PRLR: variants seen among roughly 807,000 people sequenced by gnomAD.
PRLR encodes the protein hPRL receptor.
Under a neutral mutation model 40.2 loss-of-function variants are expected in PRLR, and 13 were observed. The ratio of observed to expected loss-of-function variants is 0.32; its 90% CI spans 0.21 to 0.51. The LOEUF (loss-of-function observed/expected upper bound fraction) is 0.51. Ranked by LOEUF, PRLR falls within the 20% of genes least tolerant of loss-of-function variation. The pLI, the probability that PRLR is intolerant of heterozygous loss-of-function variation, is 0.97. For missense variants in PRLR, 656 were observed against 747.3 expected, an observed-to-expected ratio of 0.88 and a Z score of 1.42; for synonymous variants, 269 against 278.7, an observed-to-expected ratio of 0.97 and a Z score of 0.35.
chr5:35,107,610 A>C (rs1006600096), intron 2 of PRLR, among the ~76,000 whole-genome samples: 3 of 152,244 alleles, frequency 2.0e-5, no homozygotes, highest in Admixed American at 6.5e-5. Context: ...CTATGCAAAT[A>C]AACTAGAAAA....
intron 1 of PRLR, among the ~76,000 whole-genome samples, chr5:35,125,227 T>A (rs1354551202): frequency 6.6e-6 from 1 of 152,208 alleles, no homozygotes; most frequent in Non-Finnish European, 1.5e-5. Flanking sequence ...AACTTTGGCC[T>A]GAATGTGAGT....
At chr5:35,228,126 A>G (rs962998134) in intron 1 of PRLR, among the ~76,000 whole-genome samples, 16 of 151,668 alleles carry the variant, frequency 1.1e-4, no homozygotes, top group African/African-American at 3.9e-4. Context: ...AAAGCATGAG[A>G]CTATTGAACA....
intron 1 of PRLR, among the ~76,000 whole-genome samples, chr5:35,222,218 G>T (rs1030692501): frequency 6.6e-6 from 1 of 152,052 alleles, no homozygotes. Flanking sequence ...CAGGAGACTA[G>T]CTTGAACCCG....
chr5:35,151,532 T>C (rs1286561459), intron 1 of PRLR, among the ~76,000 whole-genome samples: 1 of 152,070 alleles, frequency 6.6e-6, no homozygotes, highest in Admixed American at 6.5e-5. Flanking sequence ...CCTCTTCCCC[T>C]TTGATCTGGG....
chr5:35,154,199 A>T (rs766289810), intron 1 of PRLR, among the ~76,000 whole-genome samples: 4 of 152,086 alleles, frequency 2.6e-5, no homozygotes, highest in African/African-American at 4.8e-5. Context: ...AAGCTCAAAG[A>T]CCTCTGAGAA....
At chr5:35,228,691 C>G (rs546973591) in intron 1 of PRLR, among the ~76,000 whole-genome samples, 45 of 152,208 alleles carry the variant, frequency 3.0e-4, no homozygotes, top group African/African-American at 1.1e-3. Flanking sequence ...AGGAGGGGTC[C>G]CCTGGAGTCA....
chr5:35,093,557 G>C (rs980602241), intron 2 of PRLR, among the ~76,000 whole-genome samples: 10 of 152,126 alleles, frequency 6.6e-5, no homozygotes, highest in African/African-American at 2.4e-4. Context: ...TCCAGAAATG[G>C]ACCTACCATT....
chr5:35,106,323 A>G (rs937859624), intron 2 of PRLR, among the ~76,000 whole-genome samples: 2 of 152,170 alleles, frequency 1.3e-5, no homozygotes, highest in South Asian at 2.1e-4. Context: ...ATCAACTAAT[A>G]AGCAAAATAA....
chr5:35,188,208 T>A (rs1164010623), intron 1 of PRLR, among the ~76,000 whole-genome samples: 1 of 152,260 alleles, frequency 6.6e-6, no homozygotes, highest in African/African-American at 2.4e-5. Context: ...TTCAGCAGCT[T>A]GCCTTCTGAT....
chr5:35,178,123 A>G (rs1489071226), intron 1 of PRLR, among the ~76,000 whole-genome samples: 3 of 152,120 alleles, frequency 2.0e-5, no homozygotes, highest in Non-Finnish European at 4.4e-5. Context: ...ATTTTTTGAG[A>G]AATGTCTGTT....
chr5:35,104,321 G>C (rs1235528985), intron 2 of PRLR, among the ~76,000 whole-genome samples: 1 of 152,124 alleles, frequency 6.6e-6, no homozygotes, highest in African/African-American at 2.4e-5. Context: ...TGCAGAAGAC[G>C]GGTGATTTCT....
At chr5:35,195,784 G>A (rs1308769587) in intron 1 of PRLR, 2 of 152,196 alleles carry the variant, frequency 1.3e-5, no homozygotes, top group East Asian at 3.8e-4. Context: ...TTGTAGGCAA[G>A]GCAATTCCTT....
chr5:35,112,602 A>G (rs1233724360), intron 2 of PRLR, among the ~76,000 whole-genome samples: 2 of 152,058 alleles, frequency 1.3e-5, no homozygotes, highest in Non-Finnish European at 2.9e-5. Flanking sequence ...TTCTTTGCCT[A>G]TTGCCAGGGG....
At chr5:35,125,793 AT>A (rs1442905810) in intron 1 of PRLR, among the ~76,000 whole-genome samples, 6 of 152,302 alleles carry the variant, frequency 3.9e-5, no homozygotes, top group Admixed American at 2.6e-4. Flanking sequence ...AATTGTTCCT[AT>A]TTTACACTGC....
chr5:35,187,065 C>A (rs1561354771), intron 1 of PRLR, among the ~76,000 whole-genome samples: 1 of 152,108 alleles, frequency 6.6e-6, no homozygotes, highest in African/African-American at 2.4e-5. Flanking sequence ...CCTGGGCAAG[C>A]CGGTCTCCTG....
chr5:35,106,939 C>G (rs1489184609), intron 2 of PRLR, among the ~76,000 whole-genome samples: 1 of 152,228 alleles, frequency 6.6e-6, no homozygotes, highest in Non-Finnish European at 1.5e-5. Context: ...CTCAGCACCA[C>G]ATCGCACTTA....
At chr5:35,136,036 A>G (rs1425641506) in intron 1 of PRLR, among the ~76,000 whole-genome samples, 3 of 152,260 alleles carry the variant, frequency 2.0e-5, no homozygotes, top group Non-Finnish European at 2.9e-5. Context: ...GTTATGAAGT[A>G]GAAAAACGGC....
In PRLR at chr5:35,068,802, C is replaced by G. The variant is rs779698017; in HGVS notation, c.762G>C (p.Trp254Cys). The G allele has an allele frequency of 3.7e-6, 6 of 1,610,612 alleles. No homozygotes were observed. The South Asian group carries it at 6.6e-5, about 18-fold the overall frequency. The change falls in exon 8 of 10, where the codon TGG (tryptophan) becomes TGC (cysteine). Residue 254 changes from tryptophan to cysteine, a missense_variant. By Grantham distance (215) the Trp-to-Cys change is radical. Transcript: ENST00000618457. The part of the protein sequence containing the change: ...LSAVICLIIV[W>C]AVALKGYSMV... Reference sequence around the variant, plus strand: ...ACCTATAGCCCTTCAAAGCCACTGCCCAGACAATAATCAAACAGATGACAG... The same window carrying G: ...ACCTATAGCCCTTCAAAGCCACTGCGCAGACAATAATCAAACAGATGACAG...
At chr5:35,187,350 G>A (rs1241202968) in intron 1 of PRLR, among the ~76,000 whole-genome samples, 1 of 151,626 alleles carries the variant, frequency 6.6e-6, no homozygotes, top group Non-Finnish European at 1.5e-5. Context: ...GTAGTGAGCC[G>A]AGATCACGCC....
Sources: gnomAD v4.1 joint callset for allele counts (sites outside exome capture counted in the v4.1 genomes callset) on GRCh38, gnomAD v4.1.1 for gene constraint, MANE v1.5 for transcripts, NCBI Gene and HGNC (gene_info 2026-07-23, HGNC 2026-07-21) for gene names.